The following ANO4 variants were observed in gnomAD, a reference collection of about 807,000 sequenced individuals.
The protein encoded by ANO4 is anoctamin-4.
A neutral mutation model predicts 141.9 loss-of-function variants in ANO4; 69 were observed. The observed-to-expected ratio is 0.49, with a 90% CI of 0.40 to 0.59. The LOEUF is 0.59. ANO4 is among the 20% of genes least tolerant of loss of function. The pLI, the probability that ANO4 is intolerant of heterozygous loss-of-function variation, is 0.00. For missense variants in ANO4, 894 were observed against 1,162.2 expected, an observed-to-expected ratio of 0.77 and a Z score of 3.36; for synonymous variants, 350 against 394.3, an observed-to-expected ratio of 0.89 and a Z score of 1.33.
At chr12:101,095,403 A>C (rs2049942415) in intron 18 of ANO4, among the ~76,000 whole-genome samples, 1 of 152,218 alleles carries the variant, frequency 6.6e-6, no homozygotes, top group Admixed American at 6.5e-5. Context: ...GTCCTGGTCC[A>C]TCCACGGTGG....
At chr12:100,973,945 G>A (rs957119147) in intron 6 of ANO4, among the ~76,000 whole-genome samples, 3 of 152,020 alleles carry the variant, frequency 2.0e-5, no homozygotes, top group East Asian at 3.9e-4. Context: ...TCACAAATAC[G>A]CAAAAAAATT....
chr12:100,733,993 G>C, intron 2 of ANO4: 2 of 574,020 alleles, frequency 3.5e-6, no homozygotes, highest in Non-Finnish European at 6.2e-6. Flanking sequence ...CAGAGCAATT[G>C]CTTGTGGACT....
intron 1 of ANO4, among the ~76,000 whole-genome samples, chr12:100,891,121 G>T (rs4764629): frequency 0.28 from 42,651 of 152,004 alleles, 6,142 homozygotes; most frequent in Middle Eastern, 0.36. Flanking sequence ...GACAGTTAAG[G>T]TTCCCACATG....
At chr12:100,787,594 G>C (rs562746069) in intron 3 of ANO4, among the ~76,000 whole-genome samples, 4 of 152,300 alleles carry the variant, frequency 2.6e-5, no homozygotes, top group Non-Finnish European at 5.9e-5. Context: ...CAGGGAGGCT[G>C]CTTCTGAGAC....
intron 1 of ANO4, among the ~76,000 whole-genome samples, chr12:100,840,067 T>C (rs567319057): frequency 9.1e-4 from 138 of 152,150 alleles, no homozygotes; most frequent in African/African-American, 3.2e-3. Context: ...CATACATATA[T>C]ATGAGTGGTG....
At chr12:100,872,991 T>TGCA (rs938638391) in intron 1 of ANO4, among the ~76,000 whole-genome samples, 3 of 152,192 alleles carry the variant, frequency 2.0e-5, no homozygotes, top group African/African-American at 4.8e-5. Context: ...TTTAAAAGTG[T>TGCA]GCAGCACCTC....
chr12:100,744,271 G>A (rs1053397244), intron 3 of ANO4, among the ~76,000 whole-genome samples: 1 of 152,064 alleles, frequency 6.6e-6, no homozygotes, highest in Non-Finnish European at 1.5e-5. Flanking sequence ...GTGTTAGTTG[G>A]ACTGCCATAG....
At chr12:100,774,083 T>C (rs1414160694) in intron 3 of ANO4, among the ~76,000 whole-genome samples, 1 of 152,178 alleles carries the variant, frequency 6.6e-6, no homozygotes, top group African/African-American at 2.4e-5. Context: ...CCTTTTTATA[T>C]AAAAAGTTTG....
At chr12:100,819,751 A>T (rs974041454) in intron 1 of ANO4, among the ~76,000 whole-genome samples, 5 of 151,922 alleles carry the variant, frequency 3.3e-5, no homozygotes, top group African/African-American at 1.2e-4. Context: ...TGTTGACAAA[A>T]TTTTTTTTAA....
intron 8 of ANO4, among the ~76,000 whole-genome samples, chr12:100,992,467 G>C (rs948922594): frequency 9.9e-5 from 15 of 151,914 alleles, no homozygotes; most frequent in Admixed American, 2.0e-4. Flanking sequence ...CCTTCTTCAT[G>C]TAGTATGCTG....
At chr12:101,040,567 G>C (rs2047373284) in intron 11 of ANO4, among the ~76,000 whole-genome samples, 1 of 152,204 alleles carries the variant, frequency 6.6e-6, no homozygotes, top group Admixed American at 6.5e-5. Context: ...AAGTATATCA[G>C]CTTTTAACCT....
chr12:100,949,327 G>A (rs2136199644), intron 5 of ANO4, among the ~76,000 whole-genome samples: 1 of 152,338 alleles, frequency 6.6e-6, no homozygotes, highest in East Asian at 1.9e-4. Context: ...AATTAATACA[G>A]TGATTAAAAG....
intron 9 of ANO4, among the ~76,000 whole-genome samples, chr12:101,033,024 T>C (rs2047039768): frequency 2.0e-5 from 3 of 152,162 alleles, no homozygotes; most frequent in Admixed American, 2.0e-4. Flanking sequence ...ACACGTATGT[T>C]TATTGCGGCA....
chr12:100,806,526 T>TC lies in ANO4; in HGVS notation c.-141+11499_-141+11500insC, dbSNP rs1565891260. On this transcript the variant is annotated intron_variant, in intron 1 of 27. Coordinates refer to ENST00000392977, the MANE Select transcript of ANO4 (RefSeq NM_001286615.2). Reference sequence around the variant, plus strand: ...TTAGGAGGTTTTTTTTTTGTTTCGTTTTTTTTTTTTTTTTTTTTTTTTTTT... The same window carrying TC: ...TTAGGAGGTTTTTTTTTTGTTTCGTTCTTTTTTTTTTTTTTTTTTTTTTTTT... Among the ~76,000 whole-genome samples the TC allele has an allele frequency of 6.5e-4, 17 of 26,232 alleles. 1 individual carries two copies. In the South Asian group the frequency reaches 0.019, roughly 30 times the overall value. The allele number at this position is 26,232 out of a possible 152,430, so 17.2% of individuals were successfully genotyped here.
At chr12:101,089,350 CAG>C (rs771128447) in intron 17 of ANO4, among the ~76,000 whole-genome samples, 5 of 151,796 alleles carry the variant, frequency 3.3e-5, no homozygotes, top group Non-Finnish European at 5.9e-5. Context: ...TTTCAAGACT[CAG>C]AAGTAATAAA....
intron 3 of ANO4, among the ~76,000 whole-genome samples, chr12:100,937,274 G>GGAACTTACATTGTAATAAGGT (rs375400204): frequency 3.7e-4 from 57 of 152,192 alleles, no homozygotes; most frequent in Admixed American, 1.2e-3. Flanking sequence ...CTTGCCCTAT[G>GGAACTTACATTGTAATAAGGT]GAACTTACAT....
intron 1 of ANO4, among the ~76,000 whole-genome samples, chr12:100,865,407 A>C (rs1018533785): frequency 6.6e-6 from 1 of 152,190 alleles, no homozygotes; most frequent in Non-Finnish European, 1.5e-5. Context: ...TTTGCAATCT[A>C]TCCATCTGAC....
intron 14 of ANO4, among the ~76,000 whole-genome samples, chr12:101,064,891 T>C (rs2048513911): frequency 6.6e-6 from 1 of 151,978 alleles, no homozygotes; most frequent in South Asian, 2.1e-4. Context: ...ATGTGAATCA[T>C]TCCTTGTTTG....
chr12:101,032,542 G>A (rs1339335556), intron 9 of ANO4, among the ~76,000 whole-genome samples: 1 of 152,184 alleles, frequency 6.6e-6, no homozygotes, highest in Non-Finnish European at 1.5e-5. Flanking sequence ...CCCACAAAGT[G>A]GGAGAAAATT....
Sources: allele counts gnomAD v4.1 joint callset (sites outside exome capture counted in the v4.1 genomes callset), GRCh38; gene constraint gnomAD v4.1.1; transcripts MANE v1.5; gene names NCBI Gene and HGNC (gene_info 2026-07-23, HGNC 2026-07-21).